PTPN9: variants seen among roughly 807,000 people sequenced by gnomAD.
The protein encoded by PTPN9 is tyrosine-protein phosphatase non-receptor type 9.
In PTPN9, 26 loss-of-function variants were observed where a neutral mutation model predicts 69.8. The ratio of observed to expected loss-of-function variants is 0.37; its 90% CI spans 0.27 to 0.52. The LOEUF (loss-of-function observed/expected upper bound fraction) is 0.52, where lower values mean the gene tolerates loss of function less well. Among genes scored for constraint, PTPN9 ranks in the 20% least tolerant of loss-of-function variants. PTPN9 has a pLI of 0.91. For synonymous variants in PTPN9, 274 were observed against 272.5 expected (o/e 1.01, Z -0.05); for missense variants, 549 against 740.3 (o/e 0.74, Z 3.00).
At chr15:75,485,931 T>G (rs1223048057) in intron 8 of PTPN9, among the ~76,000 whole-genome samples, 1 of 150,518 alleles carries the variant, frequency 6.6e-6, no homozygotes, top group Non-Finnish European at 1.5e-5. Flanking sequence ...AAACCCCATC[T>G]CTACTAAAAA....
intron 7 of PTPN9, among the ~76,000 whole-genome samples, chr15:75,497,227 TGCC>T (rs1390270088): frequency 2.6e-5 from 4 of 152,184 alleles, no homozygotes; most frequent in African/African-American, 9.6e-5. Context: ...CAGTGGCTCA[TGCC>T]TAAAATCCTA....
At chr15:75,482,890 G>A (rs1216641485) in intron 8 of PTPN9, among the ~76,000 whole-genome samples, 2 of 151,940 alleles carry the variant, frequency 1.3e-5, no homozygotes, top group South Asian at 2.1e-4. Context: ...GGGAGATGGA[G>A]CTTGCTGTGA....
rs141410425 is a variant in PTPN9, at chr15:75,532,445, T to A, written c.64-5184A>T. 2.7e-4 allele frequency among the ~76,000 whole-genome samples: 41 copies of A among 152,122 alleles called. 1 individual carries two copies. The East Asian group carries it at 7.7e-3, about 29-fold the overall frequency. ...CTTTTCATTTTTCATAAATAAACCA[T>A]GTCCTAATAAGAGAAAGGCATGCAG... is the stretch of plus-strand genomic sequence containing the variant. On this transcript the variant is annotated intron_variant, in intron 1 of 12. Coordinates refer to ENST00000618819, the MANE Select transcript of PTPN9 (RefSeq NM_002833.4).
At chr15:75,540,168 CAA>C (rs2075002060) in intron 1 of PTPN9, among the ~76,000 whole-genome samples, 1 of 152,110 alleles carries the variant, frequency 6.6e-6, no homozygotes, top group Non-Finnish European at 1.5e-5. Flanking sequence ...CTGACTTTTA[CAA>C]AAGTTTAGTC....
chr15:75,527,845 A>G (rs1041827393), intron 1 of PTPN9, among the ~76,000 whole-genome samples: 2 of 151,692 alleles, frequency 1.3e-5, no homozygotes, highest in African/African-American at 4.8e-5. Context: ...AACAAGAGCG[A>G]AACTGTCTCA....
intron 9 of PTPN9, among the ~76,000 whole-genome samples, chr15:75,475,721 T>C (rs2074592209): frequency 6.6e-6 from 1 of 152,194 alleles, no homozygotes; most frequent in Non-Finnish European, 1.5e-5. Context: ...ACTACCCTTA[T>C]TGCTAAGTCT....
intron 1 of PTPN9, among the ~76,000 whole-genome samples, chr15:75,529,755 C>T (rs2074946450): frequency 6.6e-6 from 1 of 151,658 alleles, no homozygotes; most frequent in Admixed American, 6.6e-5. Flanking sequence ...ATTAAAAATA[C>T]AAAAATCAGC....
intron 1 of PTPN9, among the ~76,000 whole-genome samples, chr15:75,570,763 A>C (rs2075145067): frequency 6.6e-6 from 1 of 151,964 alleles, no homozygotes; most frequent in Admixed American, 6.6e-5. Flanking sequence ...TGACAGAGTA[A>C]GATCCTGTCT....
At chr15:75,530,570 T>A (rs1217575407) in intron 1 of PTPN9, among the ~76,000 whole-genome samples, 1 of 84,454 alleles carries the variant, frequency 1.2e-5, no homozygotes, top group African/African-American at 5.0e-5. Flanking sequence ...TATTATTATA[T>A]TATAATATAC....
At chr15:75,558,153 C>T (rs2075085557) in intron 1 of PTPN9, among the ~76,000 whole-genome samples, 2 of 152,198 alleles carry the variant, frequency 1.3e-5, no homozygotes, top group Non-Finnish European at 2.9e-5. Context: ...CATGGTAAAA[C>T]ACTGTCTCTA....
chr15:75,523,171 T>C lies in PTPN9; in HGVS notation c.372A>G (p.Gln124=). ...AAAACAGAGCCTGAAGTACCACATGTTGGACTGACTTGTGGGGATGATGCA... is the reference window on the plus strand; with the variant it reads ...AAAACAGAGCCTGAAGTACCACATGCTGGACTGACTTGTGGGGATGATGCA... The part of the protein sequence containing the change: ...ARLHHPHKSV[Q]HVVLQALFYL... The change falls in exon 4 of 13, where the codon CAA becomes CAG. Residue 124 remains glutamine, a synonymous_variant. Coordinates refer to ENST00000618819, the MANE Select transcript of PTPN9 (RefSeq NM_002833.4). The C allele has an allele frequency of 6.2e-7, 1 of 1,614,132 alleles. No individual in the cohort carries two copies. Among genetic ancestry groups the C allele is most frequent in the Non-Finnish European group, 8.5e-7 (1 of 1,180,012 alleles).
chr15:75,498,173 C>T (rs1425939316), intron 7 of PTPN9, among the ~76,000 whole-genome samples: 3 of 151,760 alleles, frequency 2.0e-5, no homozygotes, highest in African/African-American at 4.8e-5. Context: ...CCAGCCTGGG[C>T]GACAGAGCGA....
intron 5 of PTPN9, among the ~76,000 whole-genome samples, chr15:75,509,866 C>T (rs887121393): frequency 4.6e-5 from 7 of 152,188 alleles, no homozygotes; most frequent in African/African-American, 1.7e-4. Context: ...TGCCTGTAAT[C>T]CCTGCTACTC....
rs1352652310 is a variant in PTPN9, at chr15:75,514,645, GAC to G, written c.528+2612_528+2613del. On this transcript the variant is annotated intron_variant, in intron 5 of 12. Transcript: ENST00000618819. ...TGAAAAAACAAGCTATAAATTAAGA[GAC>G]AGTTTACTGTGCGCACACATTATAT... is the stretch of plus-strand genomic sequence containing the variant. 2.6e-5 allele frequency among the ~76,000 whole-genome samples: 4 copies of G among 152,222 alleles called. No homozygotes were observed. In the East Asian group the frequency reaches 5.8e-4, roughly 22 times the overall value.
chr15:75,493,749 A>C (rs1286943900), intron 7 of PTPN9, among the ~76,000 whole-genome samples: 2 of 152,110 alleles, frequency 1.3e-5, no homozygotes, highest in African/African-American at 4.8e-5. Flanking sequence ...CAACAGAGCG[A>C]GACTCCGTCT....
intron 10 of PTPN9, 134 bp downstream of exon 10, chr15:75,473,555 G>T: frequency 4.0e-6 from 3 of 749,036 alleles, no homozygotes; most frequent in South Asian, 3.7e-5. Context: ...CTCCCTAAGT[G>T]CTGGGATTAC....
At chr15:75,573,411 A>C (rs2075157841) in intron 1 of PTPN9, among the ~76,000 whole-genome samples, 1 of 152,224 alleles carries the variant, frequency 6.6e-6, no homozygotes, top group African/African-American at 2.4e-5. Context: ...CTTTATAATT[A>C]TTGAGGAGCT....
intron 5 of PTPN9, among the ~76,000 whole-genome samples, chr15:75,515,691 A>G (rs1036558819): frequency 6.6e-6 from 1 of 151,994 alleles, no homozygotes; most frequent in African/African-American, 2.4e-5. Flanking sequence ...CCAGGTCAGG[A>G]GTTTGAGACC....
chr15:75,513,677 G>A (rs1294459311), intron 5 of PTPN9, among the ~76,000 whole-genome samples: 1 of 152,060 alleles, frequency 6.6e-6, no homozygotes, highest in Admixed American at 6.6e-5. Flanking sequence ...TGAGGCAGGA[G>A]AATCACTTGA....
Sources: gnomAD v4.1 joint callset for allele counts (sites outside exome capture counted in the v4.1 genomes callset) on GRCh38, gnomAD v4.1.1 for gene constraint, MANE v1.5 for transcripts, NCBI Gene and HGNC (gene_info 2026-07-23, HGNC 2026-07-21) for gene names.